RBFOX1: variants seen among roughly 807,000 people sequenced by gnomAD.
The protein encoded by RBFOX1 is RNA binding fox-1 homolog 1, also known as RNA binding protein fox-1 homolog 1.
Under a neutral mutation model 57.7 loss-of-function variants are expected in RBFOX1, and 8 were observed. That is an observed-to-expected ratio of 0.14 (90% CI 0.08 to 0.25). RBFOX1 has a LOEUF of 0.25. RBFOX1 is among the 10% of genes least tolerant of loss of function. RBFOX1 has a pLI of 1.00. For synonymous variants in RBFOX1, 326 were observed against 222.4 expected, an observed-to-expected ratio of 1.47 and a Z score of -4.15; for missense variants, 611 against 548.5, an observed-to-expected ratio of 1.11 and a Z score of -1.14.
rs2095031176 is a variant in RBFOX1, at chr16:6,019,786, C to T, written c.-333C>T. 1.4e-6 allele frequency: 2 copies of T among 1,455,464 alleles called. No homozygotes were observed. Among genetic ancestry groups the T allele is most frequent in the Admixed American group, 2.3e-5 (1 of 43,896 alleles). The allele number at this position is 1,455,464 out of a possible 1,614,324, so 90.2% of individuals were successfully genotyped here. On this transcript the variant is annotated 5_prime_UTR_variant, in exon 1 of 16. Transcript: ENST00000550418. This position sits in a 1 kb window ranked among gnomAD's most constrained non-coding sequence, Gnocchi z 4.2. ...CACCCAGTGGCCGCCAGGGTCCCCG[C>T]CTGTCCGGACCCTCGCCGCGCCCAG...
At chr16:6,780,557 C>T (rs192941158) in intron 3 of RBFOX1, among the ~76,000 whole-genome samples, 73,742 of 118,284 alleles carry the variant, frequency 0.62, 21,973 homozygotes, top group East Asian at 0.74. Flanking sequence ...TATATATTTA[C>T]ATATTTATAT....
intron 3 of RBFOX1, among the ~76,000 whole-genome samples, chr16:6,969,751 T>C (rs1328383202): frequency 6.6e-6 from 1 of 151,784 alleles, no homozygotes; most frequent in Non-Finnish European, 1.5e-5. Flanking sequence ...CTCAAATAAA[T>C]AAAAATAAGG....
At chr16:6,751,705 C>G (rs1265172306) in intron 3 of RBFOX1, among the ~76,000 whole-genome samples, 1 of 152,134 alleles carries the variant, frequency 6.6e-6, no homozygotes, top group Non-Finnish European at 1.5e-5. Context: ...TTACAGTATA[C>G]AAGCAGATAG....
chr16:6,420,557 G>C (rs1020925819), intron 2 of RBFOX1, among the ~76,000 whole-genome samples: 9 of 152,216 alleles, frequency 5.9e-5, no homozygotes, highest in African/African-American at 2.2e-4. Flanking sequence ...GGATAAAAGA[G>C]TGAGGCTGCA....
intron 6 of RBFOX1, among the ~76,000 whole-genome samples, chr16:7,583,671 T>A (rs920455339): frequency 3.3e-5 from 5 of 152,150 alleles, no homozygotes; most frequent in African/African-American, 9.7e-5. Flanking sequence ...AGCCTTACTT[T>A]AGGGGTCAAA....
intron 4 of RBFOX1, among the ~76,000 whole-genome samples, chr16:7,392,806 T>A (rs1273516804): frequency 6.6e-6 from 1 of 152,136 alleles, no homozygotes; most frequent in Non-Finnish European, 1.5e-5. Flanking sequence ...CCGTGGATTG[T>A]TTTGACTCTC....
chr16:7,306,349 C>G (rs912927008), intron 4 of RBFOX1, among the ~76,000 whole-genome samples: 3 of 152,012 alleles, frequency 2.0e-5, no homozygotes, highest in Admixed American at 2.0e-4. Flanking sequence ...GTCTCTCCCA[C>G]GAGGAAAAAC....
intron 4 of RBFOX1, among the ~76,000 whole-genome samples, chr16:7,473,021 T>C (rs1004039443): frequency 6.6e-6 from 1 of 152,122 alleles, no homozygotes; most frequent in Non-Finnish European, 1.5e-5. Flanking sequence ...ACAGTCCTTA[T>C]ATTCAAAAAG....
chr16:6,543,814 C>T (rs1335441274), intron 2 of RBFOX1, among the ~76,000 whole-genome samples: 1 of 151,880 alleles, frequency 6.6e-6, no homozygotes, highest in Non-Finnish European at 1.5e-5. Context: ...TCTACCCTGG[C>T]AGAAGAAGCC....
At chr16:5,714,514 C>G (rs376768432) in intron 3 of RBFOX1, among the ~76,000 whole-genome samples, 15 of 152,222 alleles carry the variant, frequency 9.9e-5, no homozygotes, top group African/African-American at 2.4e-4. Context: ...GCAGAGGTAT[C>G]TGGCCAACCT....
intron 3 of RBFOX1, among the ~76,000 whole-genome samples, chr16:5,845,908 C>T (rs1212556296): frequency 6.6e-6 from 1 of 152,120 alleles, no homozygotes; most frequent in Non-Finnish European, 1.5e-5. Flanking sequence ...CGTGGTGGCT[C>T]ACGCCTGTAA....
chr16:5,289,874 G>A (rs923335876), intron 1 of RBFOX1, among the ~76,000 whole-genome samples: 2 of 152,222 alleles, frequency 1.3e-5, no homozygotes, highest in Non-Finnish European at 2.9e-5. Flanking sequence ...TTCTACTCCA[G>A]TTTATGAAAG....
chr16:7,002,684 C>A (rs182566516), intron 3 of RBFOX1, among the ~76,000 whole-genome samples: 2 of 152,286 alleles, frequency 1.3e-5, no homozygotes, highest in East Asian at 3.9e-4. Context: ...TGCACTCCAG[C>A]CTGGTGATAG....
chr16:6,710,219 A>G (rs1024218890), intron 3 of RBFOX1, among the ~76,000 whole-genome samples: 9 of 152,048 alleles, frequency 5.9e-5, no homozygotes, highest in Non-Finnish European at 1.2e-4. Context: ...TTTGTCACTT[A>G]TTTTCCTTAA....
At chr16:5,336,134 A>G (rs1319288376) in intron 1 of RBFOX1, among the ~76,000 whole-genome samples, 2 of 152,152 alleles carry the variant, frequency 1.3e-5, no homozygotes, top group Non-Finnish European at 2.9e-5. Context: ...CTCGGAGTTC[A>G]TCTGTCTTTC....
At chr16:6,779,230 T>C (rs58527456) in intron 3 of RBFOX1, among the ~76,000 whole-genome samples, 18,263 of 151,974 alleles carry the variant, frequency 0.12, 1,379 homozygotes, top group Admixed American at 0.22. Context: ...ATGAGATCAA[T>C]TTTTTTAGCT....
At chr16:6,899,083 C>T (rs1029585416) in intron 3 of RBFOX1, among the ~76,000 whole-genome samples, 2 of 110,236 alleles carry the variant, frequency 1.8e-5, no homozygotes, top group Admixed American at 8.0e-5. Flanking sequence ...CACATGTACA[C>T]GTGTATAATG....
intron 4 of RBFOX1, among the ~76,000 whole-genome samples, chr16:7,341,877 C>G (rs978394254): frequency 1.3e-5 from 2 of 151,468 alleles, no homozygotes; most frequent in Non-Finnish European, 1.5e-5. Flanking sequence ...CGGCCCCCTT[C>G]CCACCTTGCA....
intron 3 of RBFOX1, among the ~76,000 whole-genome samples, chr16:6,916,551 A>G (rs2073207167): frequency 6.6e-6 from 1 of 151,838 alleles, no homozygotes; most frequent in Admixed American, 6.6e-5. Context: ...CAGATACCAC[A>G]GTTTAAGAAA....
Sources: allele counts gnomAD v4.1 joint callset (sites outside exome capture counted in the v4.1 genomes callset), GRCh38; gene constraint gnomAD v4.1.1; non-coding constraint Gnocchi (gnomAD v3.1); transcripts MANE v1.5; gene names NCBI Gene and HGNC (gene_info 2026-07-23, HGNC 2026-07-21).